NMNAT2: variants seen among roughly 807,000 people sequenced by gnomAD.
NMNAT2 encodes the protein nicotinamide nucleotide adenylyltransferase 2.
Under a neutral mutation model 41.6 loss-of-function variants are expected in NMNAT2, and 11 were observed. That is an observed-to-expected ratio of 0.26 (90% CI 0.17 to 0.44). The LOEUF (loss-of-function observed/expected upper bound fraction) is 0.44. Ranked by LOEUF, NMNAT2 falls within the 20% of genes least tolerant of loss-of-function variation. The probability of loss-of-function intolerance (pLI) is 1.00; values close to 1 mark genes in which losing one functional copy is unlikely to be tolerated. For missense variants in NMNAT2, 288 were observed against 407.7 expected, an observed-to-expected ratio of 0.71 and a Z score of 2.53; for synonymous variants, 148 against 151.2, an observed-to-expected ratio of 0.98 and a Z score of 0.16.
At chr1:183,298,472 T>A (rs760435856) in intron 1 of NMNAT2, among the ~76,000 whole-genome samples, 3 of 152,176 alleles carry the variant, frequency 2.0e-5, no homozygotes, top group Non-Finnish European at 2.9e-5. Context: ...GGTATAAATA[T>A]AATAAAACAT....
At chr1:183,408,636 A>T (rs1432224285) in intron 1 of NMNAT2, among the ~76,000 whole-genome samples, 3 of 152,194 alleles carry the variant, frequency 2.0e-5, no homozygotes, top group Admixed American at 2.0e-4. Flanking sequence ...AACAGAAAAA[A>T]TGGAGTGATA....
chr1:183,407,004 A>G (rs779944618), intron 1 of NMNAT2, among the ~76,000 whole-genome samples: 1 of 152,024 alleles, frequency 6.6e-6, no homozygotes, highest in Non-Finnish European at 1.5e-5. Flanking sequence ...TTTTTAGTAG[A>G]GATGGGGTTT....
chr1:183,363,871 G>C (rs982947340), intron 1 of NMNAT2, among the ~76,000 whole-genome samples: 1 of 152,138 alleles, frequency 6.6e-6, no homozygotes, highest in Non-Finnish European at 1.5e-5. Flanking sequence ...AATGCACAAG[G>C]CCTGTCATTT....
intron 1 of NMNAT2, among the ~76,000 whole-genome samples, chr1:183,408,525 G>C (rs1649025376): frequency 6.6e-6 from 1 of 152,098 alleles, no homozygotes; most frequent in East Asian, 1.9e-4. Flanking sequence ...CGACCTCTGA[G>C]TTATGTCAAT....
intron 1 of NMNAT2, among the ~76,000 whole-genome samples, chr1:183,335,808 C>T (rs574337426): frequency 1.3e-5 from 2 of 152,280 alleles, no homozygotes; most frequent in African/African-American, 4.8e-5. Context: ...TCTAATATAT[C>T]TTCTGATCCC....
rs1329867979 is a variant in NMNAT2 at position 183,369,868 on chromosome 1, C to T, written c.85+48315G>A. The stretch of plus-strand genomic sequence containing the variant: ...ATCTATTCTAGGAATGAGAATGGCA[C>T]TCTTCTTATTATCCCCATTGCAAAA... On this transcript the variant is annotated intron_variant, in intron 1 of 10. Transcript: ENST00000287713. Among the ~76,000 whole-genome samples, 4 of 152,154 alleles carry T rather than the reference C, an allele frequency of 2.6e-5. No homozygotes were observed. The East Asian group carries it at 5.8e-4, about 22-fold the overall frequency.
intron 4 of NMNAT2, 25 bp downstream of exon 4, chr1:183,290,103 C>T (rs200403829): frequency 6.4e-7 from 1 of 1,550,882 alleles, no homozygotes; most frequent in South Asian, 1.2e-5. Context: ...GTGGTTCACG[C>T]ATCCCCAGGC....
chr1:183,275,236 G>A (rs1661093990), intron 8 of NMNAT2, among the ~76,000 whole-genome samples: 1 of 152,136 alleles, frequency 6.6e-6, no homozygotes, highest in Non-Finnish European at 1.5e-5. Flanking sequence ...GATTTGGAGT[G>A]GAATGTTAAT....
chr1:183,260,040 C>T (rs1228076051), intron 10 of NMNAT2, among the ~76,000 whole-genome samples: 1 of 152,220 alleles, frequency 6.6e-6, no homozygotes. Flanking sequence ...TAACTGGCCC[C>T]TAATACCCAT....
chr1:183,376,101 G>A (rs1229702669), intron 1 of NMNAT2, among the ~76,000 whole-genome samples: 1 of 152,154 alleles, frequency 6.6e-6, no homozygotes, highest in South Asian at 2.1e-4. Flanking sequence ...TGCTGAAGAG[G>A]TCATGATATC....
Position 183,347,142 on chromosome 1 carries a change from T to C in NMNAT2, c.86-53349A>G, listed in dbSNP as rs577766463. Among the ~76,000 whole-genome samples, 3 of 152,272 alleles carry C rather than the reference T, an allele frequency of 2.0e-5. No homozygotes were observed. In the East Asian group the frequency reaches 5.8e-4, roughly 29 times the overall value. ...TAGAGAACAAACTCCTGGCTCATAATCTGTGAAAGGGGATAATGATAGTAC... is the reference window on the plus strand; with the variant it reads ...TAGAGAACAAACTCCTGGCTCATAACCTGTGAAAGGGGATAATGATAGTAC... On this transcript the variant is annotated intron_variant, in intron 1 of 10. Transcript: ENST00000287713.
intron 8 of NMNAT2, among the ~76,000 whole-genome samples, chr1:183,271,944 G>A (rs1660997393): frequency 6.6e-6 from 1 of 152,098 alleles, no homozygotes; most frequent in South Asian, 2.1e-4. Context: ...GTAGAGATGG[G>A]GTTTCACCAT....
At chr1:183,337,760 C>T (rs946315899) in intron 1 of NMNAT2, among the ~76,000 whole-genome samples, 2 of 152,060 alleles carry the variant, frequency 1.3e-5, no homozygotes, top group Non-Finnish European at 2.9e-5. Flanking sequence ...TACCTTTTGC[C>T]ATCAATACTT....
intron 8 of NMNAT2, among the ~76,000 whole-genome samples, chr1:183,268,452 G>A (rs1660877761): frequency 6.6e-6 from 1 of 152,226 alleles, no homozygotes; most frequent in African/African-American, 2.4e-5. Context: ...ATCTACTGCT[G>A]TGAAGATATG....
intron 1 of NMNAT2, among the ~76,000 whole-genome samples, chr1:183,402,864 C>T (rs1648850875): frequency 6.7e-6 from 1 of 148,270 alleles, no homozygotes; most frequent in Admixed American, 6.9e-5. Context: ...GTTTTCTTTC[C>T]TCTTTCCCAT....
In NMNAT2 at chr1:183,293,709, T is replaced by C; in HGVS notation, c.170A>G (p.Lys57Arg). The C allele has an allele frequency of 6.2e-7, 1 of 1,612,220 alleles. No homozygotes were observed. The highest frequency in any genetic ancestry group is 1.1e-5 in the South Asian group (1 of 91,030). ...IVSPVHDSYG[K>R]QGLVSSRHRL... ...GGGGCACAGGAAGGAACCCACCTGT[T>C]TTCCATAGGAGTCGTGGACAGGGGA... The change falls in exon 2 of 11, where the codon AAA becomes AGA. Residue 57 changes from lysine (K) to arginine (R), a missense_variant. Lys to Arg is a conservative substitution (Grantham distance 26). Around this residue, in one of 3 missense-constraint regions of NMNAT2, gnomAD observed 100 missense variants for 168.5 expected, o/e 0.59. Transcript: ENST00000287713.
At chr1:183,258,467 T>A (rs1660573983) in intron 10 of NMNAT2, among the ~76,000 whole-genome samples, 1 of 152,326 alleles carries the variant, frequency 6.6e-6, no homozygotes, top group African/African-American at 2.4e-5. Flanking sequence ...GTTCCTGGTG[T>A]AGGCTGAACT....
chr1:183,320,462 C>A (rs1237166370), intron 1 of NMNAT2, among the ~76,000 whole-genome samples: 2 of 152,042 alleles, frequency 1.3e-5, no homozygotes, highest in Non-Finnish European at 2.9e-5. Flanking sequence ...AAAAATGAGC[C>A]AGGTGTGGTG....
intron 1 of NMNAT2, among the ~76,000 whole-genome samples, chr1:183,316,000 C>A (rs926126070): frequency 6.6e-6 from 1 of 152,124 alleles, no homozygotes; most frequent in Non-Finnish European, 1.5e-5. Context: ...ATTCTTAGAG[C>A]TTTTTCTCCT....
Sources: allele counts gnomAD v4.1 joint callset (sites outside exome capture counted in the v4.1 genomes callset), GRCh38; gene constraint gnomAD v4.1.1; regional missense constraint gnomAD v4.1.1; transcripts MANE v1.5; gene names NCBI Gene and HGNC (gene_info 2026-07-23, HGNC 2026-07-21).